The following RGS17 variants were observed in gnomAD, a reference collection of about 807,000 sequenced individuals.
RGS17 encodes regulator of G protein signaling 17, also known as regulator of G-protein signaling 17.
In RGS17, 12 loss-of-function variants were observed where a neutral mutation model predicts 25.5. The ratio of observed to expected loss-of-function variants is 0.47; its 90% confidence interval spans 0.30 to 0.76. RGS17 has a LOEUF of 0.76. RGS17 is among the 30% of genes least tolerant of loss of function. RGS17 has a pLI of 0.07. For synonymous variants in RGS17, 71 were observed against 76.9 expected (o/e 0.92, Z 0.40); for missense variants, 196 against 242.2 (o/e 0.81, Z 1.27).
intron 1 of RGS17, among the ~76,000 whole-genome samples, chr6:153,064,148 T>C (rs999183531): frequency 1.3e-5 from 2 of 152,116 alleles, no homozygotes; most frequent in African/African-American, 4.8e-5. Flanking sequence ...AGTAATCACC[T>C]GAAGGTACAA....
intron 1 of RGS17, among the ~76,000 whole-genome samples, chr6:153,067,812 T>G: frequency 6.6e-6 from 1 of 152,164 alleles, no homozygotes. Context: ...AAAGCTATCT[T>G]AAAATTTATA....
At chr6:153,043,044 T>C (rs773597927) in intron 2 of RGS17, among the ~76,000 whole-genome samples, 1 of 152,160 alleles carries the variant, frequency 6.6e-6, no homozygotes, top group Admixed American at 6.5e-5. Context: ...AAGTCTAGCA[T>C]CCCCTTGAGG....
intron 1 of RGS17, among the ~76,000 whole-genome samples, chr6:153,051,535 T>G (rs1776461416): frequency 6.6e-6 from 1 of 152,206 alleles, no homozygotes; most frequent in Admixed American, 6.5e-5. Flanking sequence ...AGGCAATCCT[T>G]GTTATTAAGC....
chr6:153,081,437 T>G (rs1776979041), intron 1 of RGS17, among the ~76,000 whole-genome samples: 1 of 152,186 alleles, frequency 6.6e-6, no homozygotes, highest in South Asian at 2.1e-4. Context: ...GTTTATCCTT[T>G]TAATCTTTGC....
At chr6:153,059,898 C>A (rs1776612050) in intron 1 of RGS17, among the ~76,000 whole-genome samples, 1 of 152,230 alleles carries the variant, frequency 6.6e-6, no homozygotes, top group South Asian at 2.1e-4. Flanking sequence ...AAATGTAGTT[C>A]CTGGACCAGC....
chr6:153,114,241 T>G (rs1279010716), intron 1 of RGS17, among the ~76,000 whole-genome samples: 2 of 151,822 alleles, frequency 1.3e-5, no homozygotes, highest in Non-Finnish European at 1.5e-5. Context: ...ACAAAATGAT[T>G]AAGGGGATAT....
intron 1 of RGS17, among the ~76,000 whole-genome samples, chr6:153,115,859 T>C (rs1221929007): frequency 2.0e-5 from 3 of 152,224 alleles, no homozygotes; most frequent in Non-Finnish European, 4.4e-5. Context: ...TTGGGAAAAC[T>C]GGCTAGCCAT....
At chr6:153,070,784 T>C (rs1008405805) in intron 1 of RGS17, among the ~76,000 whole-genome samples, 22 of 151,196 alleles carry the variant, frequency 1.5e-4, no homozygotes, top group Admixed American at 6.0e-4. Context: ...CACATATACA[T>C]ATATACACAT....
chr6:153,121,723 G>A (rs1385269313), intron 1 of RGS17, among the ~76,000 whole-genome samples: 2 of 152,164 alleles, frequency 1.3e-5, no homozygotes, highest in African/African-American at 4.8e-5. Context: ...TATATAAGAT[G>A]TACTCGAAAT....
chr6:153,095,921 A>G (rs997044433), intron 1 of RGS17, among the ~76,000 whole-genome samples: 1 of 152,208 alleles, frequency 6.6e-6, no homozygotes, highest in Non-Finnish European at 1.5e-5. Flanking sequence ...ACCAATTAAC[A>G]TGGTAGGCAT....
intron 1 of RGS17, among the ~76,000 whole-genome samples, chr6:153,086,161 C>T (rs1259500788): frequency 6.6e-6 from 1 of 151,746 alleles, no homozygotes; most frequent in Admixed American, 6.6e-5. Flanking sequence ...TTTTTCTAAA[C>T]AGAAAAAATG....
At chr6:153,055,351 A>G (rs578174480) in intron 1 of RGS17, among the ~76,000 whole-genome samples, 1 of 152,342 alleles carries the variant, frequency 6.6e-6, no homozygotes, top group East Asian at 1.9e-4. Flanking sequence ...TAAAAAATGA[A>G]AAGTTATGTA....
intron 1 of RGS17, among the ~76,000 whole-genome samples, chr6:153,053,356 A>G (rs12205304): frequency 0.074 from 11,217 of 152,300 alleles, 445 homozygotes; most frequent in African/African-American, 0.082. Flanking sequence ...AATATGTGTA[A>G]CATACGCAGT....
intron 1 of RGS17, among the ~76,000 whole-genome samples, chr6:153,123,805 C>G (rs892699650): frequency 5.9e-5 from 9 of 152,190 alleles, no homozygotes; most frequent in Admixed American, 1.3e-4. Context: ...ATCCCCTACA[C>G]CAGCGTTTTA....
rs531039800 is a variant in RGS17 at position 153,069,981 on chromosome 6, A to T, written c.-25-25938T>A. ...CCATCTTTGTCCTTTTTGTTTTTTT[A>T]AAAAACACATCAACTTCCAGGAAGT... On this transcript the variant is annotated intron_variant, in intron 1 of 4. Coordinates refer to ENST00000206262, the MANE Select transcript of RGS17 (RefSeq NM_012419.5). 8.5e-5 allele frequency among the ~76,000 whole-genome samples: 13 copies of T among 152,094 alleles called. No homozygotes were observed. The South Asian group carries it at 2.3e-3, about 27-fold the overall frequency.
At chr6:153,117,822 C>A (rs188382247) in intron 1 of RGS17, among the ~76,000 whole-genome samples, 1 of 152,200 alleles carries the variant, frequency 6.6e-6, no homozygotes, top group African/African-American at 2.4e-5. Context: ...TTCAACATAT[C>A]AATCACTGGC....
At chr6:153,021,570 A>G (rs1261581879) in intron 4 of RGS17, among the ~76,000 whole-genome samples, 2 of 152,214 alleles carry the variant, frequency 1.3e-5, no homozygotes, top group Non-Finnish European at 2.9e-5. Context: ...TGTTTTTGCC[A>G]TTAAACAATG....
intron 1 of RGS17, among the ~76,000 whole-genome samples, chr6:153,126,768 T>A (rs865780017): frequency 3.3e-5 from 5 of 152,160 alleles, no homozygotes; most frequent in Non-Finnish European, 1.5e-5. Flanking sequence ...GAAACTGCAA[T>A]AGAGATACGC....
intron 1 of RGS17, among the ~76,000 whole-genome samples, chr6:153,104,823 C>CA (rs113931901): frequency 0.019 from 1,683 of 87,364 alleles, 15 homozygotes; most frequent in African/African-American, 0.053. Flanking sequence ...ACTCTTGTCT[C>CA]AAAAAAAAAA....
Sources: gnomAD v4.1 joint callset for allele counts (sites outside exome capture counted in the v4.1 genomes callset) on GRCh38, gnomAD v4.1.1 for gene constraint, MANE v1.5 for transcripts, NCBI Gene and HGNC (gene_info 2026-07-23, HGNC 2026-07-21) for gene names.